Variants in CYB5R4 observed in about 807,000 individuals in gnomAD.
CYB5R4 encodes cytochrome b5 reductase 4, also known as N-terminal cytochrome b5 and cytochrome b5 oxidoreductase domain-containing protein.
CYB5R4 carries 55 observed loss-of-function variants against 70.2 expected under a neutral mutation model. The ratio of observed to expected loss-of-function variants is 0.78; its 90% confidence interval spans 0.63 to 0.98. The LOEUF (loss-of-function observed/expected upper bound fraction) is 0.98. CYB5R4 is among the 50% of genes least tolerant of loss of function. CYB5R4 has a pLI of 0.00. For missense variants in CYB5R4, 562 were observed against 612.6 expected (o/e 0.92, Z 0.87); for synonymous variants, 197 against 199.5 (o/e 0.99, Z 0.11).
intron 14 of CYB5R4, among the ~76,000 whole-genome samples, chr6:83,948,619 A>G (rs2099471030): frequency 6.6e-6 from 1 of 151,402 alleles, no homozygotes; most frequent in Admixed American, 6.6e-5. Context: ...TTACCTTATA[A>G]AAGCAATTTT....
chr6:83,916,089 A>G (rs150149521), intron 5 of CYB5R4, among the ~76,000 whole-genome samples: 15 of 152,150 alleles, frequency 9.9e-5, no homozygotes, highest in Middle Eastern at 3.4e-3. Context: ...TCCATGGCTT[A>G]TTATTCTGTT....
At chr6:83,904,242 A>G (rs1296281645) in intron 3 of CYB5R4, among the ~76,000 whole-genome samples, 2 of 152,028 alleles carry the variant, frequency 1.3e-5, no homozygotes, top group Admixed American at 6.6e-5. Context: ...CTGCATTTCT[A>G]TTTTCATTTG....
chr6:83,921,119 A>G lies in CYB5R4; in HGVS notation c.602A>G (p.Asn201Ser). 6.5e-7 allele frequency: 1 copy of G among 1,533,224 alleles called. No individual in the cohort carries two copies. Among genetic ancestry groups the G allele is most frequent in the Non-Finnish European group, 8.9e-7 (1 of 1,124,390 alleles). 95.0% of individuals were successfully genotyped at this position (1,533,224 alleles called of 1,614,324 possible). A position where few individuals can be genotyped will look rare whatever the true frequency, so the allele number is the denominator to read the frequency against. Residue 201 changes from asparagine (N) to serine (S), a missense_variant, in exon 8 of 16, where the codon AAT (asparagine) becomes AGT (serine). Asn to Ser is a conservative substitution (Grantham distance 46). Coordinates refer to ENST00000369681, the MANE Select transcript of CYB5R4 (RefSeq NM_016230.4). ...NLDSIIVDHQ[N>S]DSFRAETIIK... is the part of the protein sequence containing the mutation. The stretch of plus-strand genomic sequence containing the variant: ...GACTCAATAATAGTTGATCATCAGA[A>G]TGATTCCTTTAGAGCAGAAACAATT...
chr6:83,918,175 T>C, intron 6 of CYB5R4, 110 bp downstream of exon 6: 1 of 723,292 alleles, frequency 1.4e-6, no homozygotes, highest in Non-Finnish European at 2.4e-6. Flanking sequence ...CTGTTAGTCA[T>C]GCTCTTTGAC....
chr6:83,889,538 G>A (rs2099460780), intron 2 of CYB5R4, among the ~76,000 whole-genome samples: 1 of 152,188 alleles, frequency 6.6e-6, no homozygotes, highest in Non-Finnish European at 1.5e-5. Flanking sequence ...TAAGCTCAAT[G>A]TTGAGACCTA....
intron 2 of CYB5R4, among the ~76,000 whole-genome samples, chr6:83,874,037 A>G (rs1703348059): frequency 6.6e-6 from 1 of 151,962 alleles, no homozygotes. Context: ...TTGAAGTGGT[A>G]GCCATATTCT....
intron 10 of CYB5R4, 148 bp from the exon 11 acceptor site, chr6:83,934,447 A>G (rs1208004279): frequency 3.6e-6 from 2 of 561,914 alleles, no homozygotes; most frequent in Admixed American, 3.5e-5. Context: ...TAACCTTAAA[A>G]TATTGATTAA....
intron 10 of CYB5R4, among the ~76,000 whole-genome samples, chr6:83,933,910 G>A (rs61756890): frequency 0.047 from 7,121 of 152,090 alleles, 523 homozygotes; most frequent in African/African-American, 0.16. Context: ...AAGCATAAAT[G>A]TTTTTGTTTT....
intron 15 of CYB5R4, among the ~76,000 whole-genome samples, chr6:83,956,867 A>C (rs1389972739): frequency 6.6e-6 from 1 of 151,682 alleles, no homozygotes; most frequent in East Asian, 1.9e-4. Flanking sequence ...GTAGGGCATG[A>C]CTTCCCAGAC....
chr6:83,886,282 G>A (rs576342266), intron 2 of CYB5R4, among the ~76,000 whole-genome samples: 3 of 152,060 alleles, frequency 2.0e-5, no homozygotes, highest in Admixed American at 6.6e-5. Context: ...TGACCCAATC[G>A]CTTAAAGGCC....
At chr6:83,905,990 G>A (rs995378195) in intron 3 of CYB5R4, among the ~76,000 whole-genome samples, 2 of 152,124 alleles carry the variant, frequency 1.3e-5, no homozygotes, top group African/African-American at 4.8e-5. Context: ...GACTGGACTG[G>A]GCAATCTCCT....
At chr6:83,897,283 GC>G (rs1338880537) in intron 3 of CYB5R4, among the ~76,000 whole-genome samples, 1 of 152,126 alleles carries the variant, frequency 6.6e-6, no homozygotes, top group Non-Finnish European at 1.5e-5. Flanking sequence ...GTGTATAGGT[GC>G]CACATTTTCT....
At chr6:83,928,922 C>A (rs1188761157) in intron 10 of CYB5R4, among the ~76,000 whole-genome samples, 1 of 152,120 alleles carries the variant, frequency 6.6e-6, no homozygotes, top group African/African-American at 2.4e-5. Flanking sequence ...TCTGTAATTT[C>A]TTGAGGCTTT....
intron 2 of CYB5R4, among the ~76,000 whole-genome samples, chr6:83,877,705 C>A (rs1031121329): frequency 6.6e-6 from 1 of 152,172 alleles, no homozygotes; most frequent in African/African-American, 2.4e-5. Flanking sequence ...GCCTCACCTC[C>A]AACACTGGGG....
intron 1 of CYB5R4, among the ~76,000 whole-genome samples, chr6:83,860,082 C>G (rs929188180): frequency 6.6e-6 from 1 of 152,138 alleles, no homozygotes; most frequent in African/African-American, 2.4e-5. Context: ...GGTCCTTTAT[C>G]CCGCTCTATC....
intron 12 of CYB5R4, among the ~76,000 whole-genome samples, chr6:83,938,041 C>T (rs1287373578): frequency 6.6e-6 from 1 of 152,180 alleles, no homozygotes; most frequent in Non-Finnish European, 1.5e-5. Flanking sequence ...AACAAAATTA[C>T]ATTACTTTCT....
intron 3 of CYB5R4, among the ~76,000 whole-genome samples, chr6:83,899,574 G>A (rs1392232717): frequency 1.3e-5 from 2 of 152,060 alleles, no homozygotes; most frequent in East Asian, 1.9e-4. Flanking sequence ...GGTAGAATTC[G>A]GCTGTGAATC....
At chr6:83,955,241 A>T (rs1378931590) in intron 14 of CYB5R4, 57 bp from the exon 15 acceptor site, 3 of 1,356,794 alleles carry the variant, frequency 2.2e-6, no homozygotes, top group Admixed American at 4.3e-5. Context: ...AACTTGAAAC[A>T]TGTTAATAAT....
At chr6:83,925,225 G>A (rs1477583632) in intron 10 of CYB5R4, among the ~76,000 whole-genome samples, 1 of 152,074 alleles carries the variant, frequency 6.6e-6, no homozygotes, top group African/African-American at 2.4e-5. Context: ...AGAAGGAGGA[G>A]GAGAGAGATG....
Sources: gnomAD v4.1 joint callset for allele counts (sites outside exome capture counted in the v4.1 genomes callset) on GRCh38, gnomAD v4.1.1 for gene constraint, MANE v1.5 for transcripts, NCBI Gene and HGNC (gene_info 2026-07-23, HGNC 2026-07-21) for gene names.